ST18: variants seen among roughly 807,000 people sequenced by gnomAD.
ST18 encodes the protein suppression of tumorigenicity 18 protein.
In ST18, 50 loss-of-function variants were observed where a neutral mutation model predicts 110.0. The ratio of observed to expected loss-of-function variants is 0.45; its 90% CI spans 0.36 to 0.58. The LOEUF is 0.58. ST18 is among the 20% of genes least tolerant of loss of function. ST18 has a pLI of 0.00. For synonymous variants in ST18, 461 were observed against 452.4 expected, an observed-to-expected ratio of 1.02 and a Z score of -0.24; for missense variants, 1,306 against 1,280.1, an observed-to-expected ratio of 1.02 and a Z score of -0.31.
At chr8:52,306,436 C>T (rs185914243) in intron 2 of ST18, among the ~76,000 whole-genome samples, 59 of 152,088 alleles carry the variant, frequency 3.9e-4, no homozygotes, top group Admixed American at 3.3e-3. Flanking sequence ...AGAAGACGTG[C>T]GGTGAGTTTG....
At chr8:52,323,153 C>A (rs903201374) in intron 2 of ST18, among the ~76,000 whole-genome samples, 10 of 151,760 alleles carry the variant, frequency 6.6e-5, no homozygotes, top group African/African-American at 2.4e-4. Context: ...GCTCTAGACA[C>A]CAAAGCAACA....
At position 52,159,041 on chromosome 8, in the gene ST18, G is replaced by A. The variant is rs772117383; in HGVS notation, c.1663C>T (p.Pro555Ser). 1.3e-5 allele frequency: 21 copies of A among 1,614,054 alleles called. No homozygotes were observed. Among genetic ancestry groups the A allele is most frequent in the Admixed American group, 1.7e-5 (1 of 60,008 alleles). The change falls in exon 15 of 26, where the codon CCT becomes TCT. Residue 555 changes from proline (P) to serine (S), a missense_variant. Coordinates refer to ENST00000689386, the MANE Select transcript of ST18 (RefSeq NM_001352837.2). ...LPSAGAHTQS[P>S]GRASSYSYGQ... ...TAGCTATAAGAGCTGGCACGGCCAGGGCTCTGGGTGTGGGCGCCTGCACTA... is the reference window on the plus strand; with the variant it reads ...TAGCTATAAGAGCTGGCACGGCCAGAGCTCTGGGTGTGGGCGCCTGCACTA...
rs111643459 is a variant in ST18 at position 52,352,754 on chromosome 8, T to C, written c.-465+56574A>G. Among the ~76,000 whole-genome samples the C allele has an allele frequency of 1.5e-3, 227 of 152,302 alleles. 1 individual carries two copies. Among genetic ancestry groups the C allele is most frequent in the African/African-American group, 5.1e-3 (211 of 41,556 alleles). On this transcript the variant is annotated intron_variant, in intron 2 of 25. Transcript: ENST00000689386. ...CCAGTGTGTTTTCAATCTGCCTTCA[T>C]TGAGAGGAAAAATCACGGGACTGCG...
intron 21 of ST18, 24 bp from the exon 22 acceptor site, chr8:52,132,203 C>G (rs776880536): frequency 6.3e-7 from 1 of 1,591,156 alleles, no homozygotes; most frequent in Admixed American, 1.7e-5. Context: ...AGAGACATTA[C>G]CAGCCAGGAA....
intron 8 of ST18, among the ~76,000 whole-genome samples, chr8:52,203,401 G>C (rs1424466141): frequency 1.3e-5 from 2 of 152,058 alleles, no homozygotes; most frequent in Non-Finnish European, 2.9e-5. Context: ...CATAGAATTT[G>C]ACAAACCAGT....
intron 8 of ST18, among the ~76,000 whole-genome samples, chr8:52,185,506 T>A (rs930160159): frequency 4.6e-5 from 7 of 152,168 alleles, no homozygotes; most frequent in African/African-American, 1.7e-4. Flanking sequence ...AGCCTTACAA[T>A]GTTGAATGTC....
intron 16 of ST18, among the ~76,000 whole-genome samples, chr8:52,149,419 A>C (rs914949320): frequency 6.6e-6 from 1 of 152,262 alleles, no homozygotes; most frequent in Non-Finnish European, 1.5e-5. Context: ...AATGTTGAGC[A>C]ATACATTGCC....
In ST18 at chr8:52,180,055, T is replaced by C. The variant is rs1458899024; in HGVS notation, c.277+67A>G. The C allele has an allele frequency of 1.5e-5, 23 of 1,507,642 alleles. No homozygotes were observed. In the East Asian group the frequency reaches 4.8e-4, roughly 31 times the overall value. 93.4% of individuals were successfully genotyped at this position (1,507,642 alleles called of 1,614,324 possible). ...TACAAACCATACAAACCACACACTC[T>C]ACATGAATTAGCACAGAGTCCTTGG... On this transcript the variant is annotated intron_variant, in intron 9 of 25. Transcript: ENST00000689386.
chr8:52,220,682 A>G (rs951360835), intron 5 of ST18, 59 bp downstream of exon 5: 30 of 152,170 alleles, frequency 2.0e-4, no homozygotes, highest in African/African-American at 7.0e-4. Context: ...AAATTCTTTG[A>G]TTGAATTCAT....
At chr8:52,232,198 A>T (rs958251149) in intron 2 of ST18, among the ~76,000 whole-genome samples, 4 of 152,198 alleles carry the variant, frequency 2.6e-5, no homozygotes, top group African/African-American at 9.7e-5. Context: ...ATAAAAAGTG[A>T]ATGTTCTGGC....
At chr8:52,391,713 C>T (rs1463739453) in intron 2 of ST18, among the ~76,000 whole-genome samples, 1 of 152,174 alleles carries the variant, frequency 6.6e-6, no homozygotes, top group Non-Finnish European at 1.5e-5. Flanking sequence ...TTTGTGTCCA[C>T]TTTGATGTTT....
At chr8:52,189,288 G>A (rs2073621177) in intron 8 of ST18, among the ~76,000 whole-genome samples, 1 of 152,140 alleles carries the variant, frequency 6.6e-6, no homozygotes, top group African/African-American at 2.4e-5. Context: ...CTGGATCAAA[G>A]GTATGGAATA....
At chr8:52,359,151 T>C (rs1006763140) in intron 2 of ST18, among the ~76,000 whole-genome samples, 1 of 151,558 alleles carries the variant, frequency 6.6e-6, no homozygotes, top group Non-Finnish European at 1.5e-5. Flanking sequence ...TCAATTGATA[T>C]AAAAAAAGCA....
intron 2 of ST18, among the ~76,000 whole-genome samples, chr8:52,240,631 T>C (rs2093309972): frequency 6.6e-6 from 1 of 152,332 alleles, no homozygotes; most frequent in African/African-American, 2.4e-5. Context: ...CTCCTCAGCA[T>C]AGAAACACAT....
intron 2 of ST18, among the ~76,000 whole-genome samples, chr8:52,259,204 G>T (rs957979450): frequency 6.6e-6 from 1 of 152,146 alleles, no homozygotes; most frequent in Non-Finnish European, 1.5e-5. Context: ...TCATAGCAAG[G>T]GTCAACTGGA....
At chr8:52,361,401 A>C (rs566000519) in intron 2 of ST18, among the ~76,000 whole-genome samples, 24 of 152,358 alleles carry the variant, frequency 1.6e-4, no homozygotes, top group African/African-American at 5.5e-4. Flanking sequence ...CAGATTGATC[A>C]AGACATATGG....
intron 2 of ST18, among the ~76,000 whole-genome samples, chr8:52,381,982 A>C (rs924585917): frequency 3.3e-5 from 5 of 151,488 alleles, no homozygotes; most frequent in Non-Finnish European, 5.9e-5. Flanking sequence ...AACAAAAAAA[A>C]ACAAAAAAAC....
At chr8:52,260,449 AG>A (rs2138632052) in intron 2 of ST18, among the ~76,000 whole-genome samples, 1 of 152,308 alleles carries the variant, frequency 6.6e-6, no homozygotes, top group East Asian at 1.9e-4. Context: ...TGGCATCACC[AG>A]CTGCATGAAA....
At position 52,188,458 on chromosome 8, in the gene ST18, T is replaced by C. The variant is rs531709818; in HGVS notation, c.87-8146A>G. Among the ~76,000 whole-genome samples the C allele has an allele frequency of 1.0e-3, 153 of 152,130 alleles. 1 individual carries two copies. The highest frequency in any genetic ancestry group is 3.6e-3 in the African/African-American group (148 of 41,496). On this transcript the variant is annotated intron_variant, in intron 8 of 25. Transcript: ENST00000689386. ...GGCGAACACAAAGGCTCAGGCACAG[T>C]GAAGGAGGAGGAATAATAGGAGATG... is the stretch of plus-strand genomic sequence containing the variant.
Sources: allele counts gnomAD v4.1 joint callset (sites outside exome capture counted in the v4.1 genomes callset), GRCh38; gene constraint gnomAD v4.1.1; transcripts MANE v1.5; gene names NCBI Gene and HGNC (gene_info 2026-07-23, HGNC 2026-07-21).